The following CSMD2 variants were observed in gnomAD, a reference collection of about 807,000 sequenced individuals.
CSMD2 encodes CUB and Sushi multiple domains 2, also known as CUB and sushi domain-containing protein 2.
CSMD2 carries 130 observed loss-of-function variants against 398.5 expected under a neutral mutation model. The ratio of observed to expected loss-of-function variants is 0.33; its 90% CI spans 0.28 to 0.38. The LOEUF is 0.38. CSMD2 is among the 10% of genes least tolerant of loss of function. CSMD2 has a pLI of 1.00. For missense variants in CSMD2, 3,829 were observed against 4,764.9 expected (o/e 0.80, Z 5.78); for synonymous variants, 1,828 against 1,908.5 (o/e 0.96, Z 1.10).
intron 9 of CSMD2, among the ~76,000 whole-genome samples, chr1:33,815,920 T>C (rs1419371874): frequency 6.6e-6 from 1 of 152,158 alleles, no homozygotes; most frequent in Non-Finnish European, 1.5e-5. Flanking sequence ...AGAAGAGATC[T>C]GAAAATAGAA....
intron 5 of CSMD2, among the ~76,000 whole-genome samples, chr1:33,865,839 G>A (rs1463651126): frequency 6.6e-6 from 1 of 152,176 alleles, no homozygotes; most frequent in Non-Finnish European, 1.5e-5. Context: ...GACACAAATG[G>A]GATTGTGCTG....
chr1:34,078,847 T>C (rs1184006806), intron 2 of CSMD2, among the ~76,000 whole-genome samples: 3 of 152,222 alleles, frequency 2.0e-5, no homozygotes, highest in African/African-American at 7.2e-5. Context: ...TGGTTTGTTT[T>C]CTGTTTCCAA....
intron 24 of CSMD2, among the ~76,000 whole-genome samples, chr1:33,696,911 T>C (rs565473184): frequency 4.6e-5 from 7 of 152,196 alleles, no homozygotes; most frequent in Non-Finnish European, 1.0e-4. Context: ...TGTTTTAAGC[T>C]ATAGCAGTCA....
chr1:33,521,421 A>AC, intron 68 of CSMD2, 42 bp downstream of exon 68: 6 of 719,570 alleles, frequency 8.3e-6, no homozygotes, highest in East Asian at 3.0e-5. Flanking sequence ...TTTCTCTCCC[A>AC]CCCACCCGGG....
At chr1:34,093,204 G>C (rs1294533431) in intron 1 of CSMD2, among the ~76,000 whole-genome samples, 6 of 152,164 alleles carry the variant, frequency 3.9e-5, no homozygotes, top group African/African-American at 9.7e-5. Context: ...GATCCTGTCT[G>C]TTAGAAGGAA....
At chr1:33,531,654 A>T (rs1162637324) in intron 64 of CSMD2, among the ~76,000 whole-genome samples, 1 of 152,260 alleles carries the variant, frequency 6.6e-6, no homozygotes, top group African/African-American at 2.4e-5. Flanking sequence ...AGAAATTCCG[A>T]CAGATGCCAC....
intron 3 of CSMD2, among the ~76,000 whole-genome samples, chr1:33,938,837 C>A (rs1644572072): frequency 2.0e-5 from 3 of 149,566 alleles, no homozygotes; most frequent in Admixed American, 2.0e-4. Flanking sequence ...TTGGCATTTC[C>A]CATAATCTCC....
chr1:34,115,841 G>A (rs998225425), intron 1 of CSMD2, among the ~76,000 whole-genome samples: 36 of 151,996 alleles, frequency 2.4e-4, no homozygotes, highest in Non-Finnish European at 4.3e-4. Flanking sequence ...GTGTAATAGC[G>A]TGAAGTTTTT....
chr1:33,749,257 C>G (rs1411190082), intron 13 of CSMD2, among the ~76,000 whole-genome samples: 1 of 151,956 alleles, frequency 6.6e-6, no homozygotes, highest in East Asian at 1.9e-4. Context: ...TGCCACCTCG[C>G]CCGGCTAATT....
At chr1:33,788,507 C>CA (rs57878978) in intron 12 of CSMD2, 93 bp downstream of exon 12, 181,171 of 514,326 alleles carry the variant, frequency 0.35, 15,472 homozygotes, top group Admixed American at 0.38. Flanking sequence ...GACTCCGTCT[C>CA]AAAAAAAAAA....
chr1:34,152,648 C>G (rs1640435035), intron 1 of CSMD2, among the ~76,000 whole-genome samples: 1 of 152,294 alleles, frequency 6.6e-6, no homozygotes, highest in Admixed American at 6.5e-5. Context: ...CTTGAACATC[C>G]TTCTCTGGGA....
At chr1:33,579,886 T>C (rs964980892) in intron 48 of CSMD2, among the ~76,000 whole-genome samples, 6 of 151,908 alleles carry the variant, frequency 3.9e-5, no homozygotes. Flanking sequence ...ACTATGTTGG[T>C]CAGGCTGGTC....
At chr1:34,012,697 G>C (rs1012487761) in intron 3 of CSMD2, among the ~76,000 whole-genome samples, 6 of 152,164 alleles carry the variant, frequency 3.9e-5, no homozygotes, top group African/African-American at 1.4e-4. Flanking sequence ...CATAAGGACA[G>C]AGAATTTTTA....
chr1:34,094,475 A>C (rs1659033307), intron 1 of CSMD2, among the ~76,000 whole-genome samples: 1 of 152,126 alleles, frequency 6.6e-6, no homozygotes, highest in African/African-American at 2.4e-5. Flanking sequence ...AATTGGATAA[A>C]GAGTCAAGAC....
rs762757595 is a variant in CSMD2 at position 33,698,825 on chromosome 1, G to T, written c.3853C>A (p.Arg1285=). 1.9e-6 allele frequency: 3 copies of T among 1,614,136 alleles called. No homozygotes were observed. In the South Asian group the frequency reaches 3.3e-5, roughly 18 times the overall value. Reference sequence around the variant, plus strand: ...AGACACAGCAGCTCCTCACTACCCCGCAGGCTGTATCCAGGGTCACAGCTG... The same window carrying T: ...AGACACAGCAGCTCCTCACTACCCCTCAGGCTGTATCCAGGGTCACAGCTG... ...SFSCDPGYSL[R]GSEELLCLSG... Residue 1285 remains arginine, a synonymous_variant, in exon 24 of 71, where the codon CGG becomes AGG. Coordinates refer to ENST00000373381, the MANE Select transcript of CSMD2 (RefSeq NM_001281956.2).
chr1:33,861,814 A>G (rs1639535732), intron 5 of CSMD2, among the ~76,000 whole-genome samples: 1 of 152,096 alleles, frequency 6.6e-6, no homozygotes, highest in African/African-American at 2.4e-5. Flanking sequence ...GGAAGGAGAG[A>G]GTCATTTAGA....
In CSMD2 at chr1:33,658,152, T is replaced by C; in HGVS notation, c.4256-15A>G. On this transcript the variant is annotated splice_polypyrimidine_tract_variant and intron_variant, in intron 26 of 70. Coordinates refer to ENST00000373381, the MANE Select transcript of CSMD2 (RefSeq NM_001281956.2). ...TGCTGTGGACACTGGGGCAAGGAAA[T>C]AGAAGAGAGGGTAAGGTCGCCTGGG... is the stretch of plus-strand genomic sequence containing the variant. 1.9e-6 allele frequency: 3 copies of C among 1,607,646 alleles called. No homozygotes were observed. Among genetic ancestry groups the C allele is most frequent in the Non-Finnish European group, 2.6e-6 (3 of 1,174,882 alleles).
intron 25 of CSMD2, among the ~76,000 whole-genome samples, chr1:33,675,750 C>T (rs557338848): frequency 1.3e-5 from 2 of 152,130 alleles, no homozygotes; most frequent in African/African-American, 4.8e-5. Context: ...CATCAAAAAG[C>T]TTATGCACCA....
chr1:33,731,128 G>C (rs1330480784), intron 15 of CSMD2, among the ~76,000 whole-genome samples: 1 of 152,086 alleles, frequency 6.6e-6, no homozygotes, highest in Non-Finnish European at 1.5e-5. Context: ...AAGTATGTTT[G>C]GATTGTAATG....
Sources: gnomAD v4.1 joint callset for allele counts (sites outside exome capture counted in the v4.1 genomes callset) on GRCh38, gnomAD v4.1.1 for gene constraint, MANE v1.5 for transcripts, NCBI Gene and HGNC (gene_info 2026-07-23, HGNC 2026-07-21) for gene names.